Variants in IQCE observed in about 807,000 individuals in gnomAD.
IQCE encodes IQ domain-containing protein E.
IQCE carries 115 observed loss-of-function variants against 96.0 expected under a neutral mutation model. The observed-to-expected ratio is 1.20, with a 90% CI of 1.03 to 1.40. The LOEUF (loss-of-function observed/expected upper bound fraction) is 1.40. IQCE is among the 40% of genes most tolerant of loss of function. IQCE has a pLI of 0.00. For synonymous variants in IQCE, 412 were observed against 371.2 expected (o/e 1.11, Z -1.26); for missense variants, 1,041 against 909.1 (o/e 1.15, Z -1.87).
intron 15 of IQCE, 94 bp from the exon 16 acceptor site, chr7:2,594,792 T>A: frequency 3.5e-6 from 3 of 862,908 alleles, no homozygotes; most frequent in Non-Finnish European, 6.0e-6. Flanking sequence ...TGTCCCCCTG[T>A]CTCCGCCTGG....
chr7:2,562,752 AT>A (rs1242519336), intron 1 of IQCE, among the ~76,000 whole-genome samples: 1 of 150,232 alleles, frequency 6.7e-6, no homozygotes. Context: ...ATTCACTGTA[AT>A]TTTTATTCCT....
At chr7:2,597,086 G>A (rs759055022) in intron 16 of IQCE, 9 of 470,992 alleles carry the variant, frequency 1.9e-5, no homozygotes, top group Non-Finnish European at 4.0e-5. Context: ...GCAGGGTCGT[G>A]CGGAAGACCT....
chr7:2,564,742 T>G lies in IQCE; in HGVS notation c.37-2374T>G, dbSNP rs575338284. Among the ~76,000 whole-genome samples, 13 of 152,356 alleles carry G rather than the reference T, an allele frequency of 8.5e-5. No homozygotes were observed. The South Asian group carries it at 1.4e-3, about 17-fold the overall frequency. ...GGCCTATGGTCTGGTTTATGTTTAA[T>G]GTACACTTGAGTAGAATGTGTATTG... On this transcript the variant is annotated intron_variant, in intron 1 of 21. Transcript: ENST00000402050.
At position 2,569,018 on chromosome 7, in the gene IQCE, G is replaced by A; in HGVS notation, c.130+19G>A. The A allele has an allele frequency of 6.2e-7, 1 of 1,612,322 alleles. No individual in the cohort carries two copies. Among genetic ancestry groups the A allele is most frequent in the Non-Finnish European group, 8.5e-7 (1 of 1,178,416 alleles). On this transcript the variant is annotated intron_variant, in intron 3 of 21. Coordinates refer to ENST00000402050, the MANE Select transcript of IQCE (RefSeq NM_152558.5). Reference sequence around the variant, plus strand: ...TCGCCAAGTAAGTATGACGAGGCCTGCCTTCCCTCTCACGCCGACGTTCCC... The same window carrying A: ...TCGCCAAGTAAGTATGACGAGGCCTACCTTCCCTCTCACGCCGACGTTCCC...
Position 2,607,086 on chromosome 7 carries a change from A to G in IQCE, c.1866-38A>G, listed in dbSNP as rs373385659. ...AACCTCAGAGAGGTTTGTACTCTCT[A>G]AAAGCAGAATCAGCTGGCGTTTTCT... On this transcript the variant is annotated intron_variant, in intron 20 of 21. Transcript: ENST00000402050. 43 of 1,550,314 alleles carry G rather than the reference A, an allele frequency of 2.8e-5. No homozygotes were observed. In the African/African-American group the frequency reaches 4.3e-4, roughly 15 times the overall value.
intron 11 of IQCE, 170 bp downstream of exon 11, chr7:2,584,455 G>A: frequency 1.4e-6 from 1 of 711,712 alleles, no homozygotes; most frequent in Non-Finnish European, 2.6e-6. Flanking sequence ...GTTTCCATTT[G>A]CAGTGTTCAC....
intron 12 of IQCE, 144 bp from the exon 13 acceptor site, chr7:2,587,678 G>T: frequency 1.3e-6 from 1 of 771,172 alleles, no homozygotes; most frequent in Non-Finnish European, 2.2e-6. Flanking sequence ...AAATTCTCTG[G>T]TAGCCAGGAC....
intron 6 of IQCE, among the ~76,000 whole-genome samples, chr7:2,577,467 C>CG (rs59435127): frequency 0.49 from 33,235 of 67,506 alleles, 9,972 homozygotes; most frequent in Admixed American, 0.54. Context: ...CGCGCGGGGA[C>CG]TGTGTGCGGC....
chr7:2,610,466 A>G lies in IQCE; in HGVS notation c.*304A>G. On this transcript the variant is annotated 3_prime_UTR_variant, in exon 22 of 22. Coordinates refer to ENST00000402050, the MANE Select transcript of IQCE (RefSeq NM_152558.5). ...AGATGCCAGGGAGCCCTGTAGTGAC[A>G]CGTTCTCTGACAGCACCTTGCCGCC... 3.6e-6 allele frequency: 1 copy of G among 274,224 alleles called. No homozygotes were observed. Among genetic ancestry groups the G allele is most frequent in the Non-Finnish European group, 7.0e-6 (1 of 142,202 alleles). The allele number at this position is 274,224 out of a possible 1,614,324, so 17.0% of individuals were successfully genotyped here.
intron 2 of IQCE, among the ~76,000 whole-genome samples, chr7:2,568,197 T>G (rs1781519214): frequency 6.6e-6 from 1 of 152,248 alleles, no homozygotes; most frequent in Admixed American, 6.5e-5. Context: ...AATTCCACCC[T>G]TAAGTACTTC....
intron 12 of IQCE, among the ~76,000 whole-genome samples, chr7:2,586,632 CAT>C (rs571813173): frequency 3.9e-4 from 59 of 152,302 alleles, no homozygotes; most frequent in East Asian, 9.7e-4. Context: ...AGATGCGTGA[CAT>C]GTGTCAGATG....
intron 1 of IQCE, 61 bp from the exon 2 acceptor site, chr7:2,567,055 C>T (rs1002486910): frequency 6.9e-6 from 10 of 1,445,796 alleles, no homozygotes; most frequent in Admixed American, 1.7e-5. Flanking sequence ...CTTTTGTAAA[C>T]GTGATGGTCG....
rs144202434 is a variant in IQCE, at chr7:2,587,888, G to A, written c.1044+11G>A. 3.6e-5 allele frequency: 58 copies of A among 1,613,562 alleles called. No homozygotes were observed. Among genetic ancestry groups the A allele is most frequent in the African/African-American group, 1.2e-4 (9 of 75,046 alleles). On this transcript the variant is annotated intron_variant, in intron 13 of 21. Transcript: ENST00000402050. ...GTGGAGCTGGAGAAGGTGAGCGGGC[G>A]TCTCAGTGCCACTGTCGTTGGGGAC... is the stretch of plus-strand genomic sequence containing the variant.
Position 2,559,018 on chromosome 7 carries a change from T to C in IQCE, c.-164T>C, listed in dbSNP as rs1780710013. 2.8e-6 allele frequency: 1 copy of C among 360,148 alleles called. No homozygotes were observed. Among genetic ancestry groups the C allele is most frequent in the Non-Finnish European group, 4.8e-6 (1 of 208,184 alleles). 22.3% of individuals were successfully genotyped at this position (360,148 alleles called of 1,614,324 possible). A position where few individuals can be genotyped will look rare whatever the true frequency, so the allele number is the denominator to read the frequency against. On this transcript the variant is annotated 5_prime_UTR_variant, in exon 1 of 22. Coordinates refer to ENST00000402050, the MANE Select transcript of IQCE (RefSeq NM_152558.5). ...TCGCCCCAGGGGGAACGCAGGTCGCTTACCCGGCTGGGTAGGTCGGCGGCC... is the reference window on the plus strand; with the variant it reads ...TCGCCCCAGGGGGAACGCAGGTCGCCTACCCGGCTGGGTAGGTCGGCGGCC...
intron 8 of IQCE, chr7:2,582,150 G>T (rs1004185574): frequency 4.5e-6 from 2 of 445,228 alleles, no homozygotes; most frequent in South Asian, 1.7e-5. Flanking sequence ...CTACGGCCGC[G>T]CTGTCTCCCA....
rs148070007 is a variant in IQCE at position 2,588,726 on chromosome 7, G to A, written c.1044+849G>A. On this transcript the variant is annotated intron_variant, in intron 13 of 21. Transcript: ENST00000402050. ...ATCGCCCAGGCTGCAGTGCAGTGGC[G>A]TAATCTCGGCTCACTGCAACTTTTT... is the stretch of plus-strand genomic sequence containing the variant. Among the ~76,000 whole-genome samples, 16 of 136,350 alleles carry A rather than the reference G, an allele frequency of 1.2e-4. 1 individual carries two copies. Among genetic ancestry groups the A allele is most frequent in the African/African-American group, 4.5e-4 (16 of 35,378 alleles). 89.5% of individuals were successfully genotyped at this position (136,350 alleles called of 152,430 possible).
intron 19 of IQCE, 64 bp downstream of exon 19, chr7:2,605,055 C>A: frequency 8.4e-7 from 1 of 1,186,880 alleles, no homozygotes; most frequent in Non-Finnish European, 1.2e-6. Context: ...GCACTCCATC[C>A]ATCGAGAAAG....
At chr7:2,595,223 T>C (rs958115579) in intron 16 of IQCE, among the ~76,000 whole-genome samples, 2 of 152,160 alleles carry the variant, frequency 1.3e-5, no homozygotes, top group African/African-American at 4.8e-5. Flanking sequence ...AGTAAAGAGT[T>C]TTCCAAATCT....
rs143423843 is a variant in IQCE at position 2,566,256 on chromosome 7, G to C, written c.37-860G>C. Among the ~76,000 whole-genome samples, 407 of 148,614 alleles carry C rather than the reference G, an allele frequency of 2.7e-3. 2 individuals carry two copies. The highest frequency in any genetic ancestry group is 8.8e-3 in the East Asian group (45 of 5,108). ...TTTGGATTTCAATTTGAGTGAATGA[G>C]TTAATACAGAAACACTTTTGTCTTC... On this transcript the variant is annotated intron_variant, in intron 1 of 21. Coordinates refer to ENST00000402050, the MANE Select transcript of IQCE (RefSeq NM_152558.5).
Sources: allele counts gnomAD v4.1 joint callset (sites outside exome capture counted in the v4.1 genomes callset), GRCh38; gene constraint gnomAD v4.1.1; transcripts MANE v1.5; gene names NCBI Gene and HGNC (gene_info 2026-07-23, HGNC 2026-07-21).